ADIPOR2: variants seen among roughly 807,000 people sequenced by gnomAD.
ADIPOR2 encodes the protein adiponectin receptor 2, also known as adiponectin receptor protein 2.
In ADIPOR2, 18 loss-of-function variants were observed where a neutral mutation model predicts 40.9. That is an observed-to-expected ratio of 0.44 (90% CI 0.30 to 0.65). The LOEUF is 0.65. Ranked by LOEUF, ADIPOR2 falls within the 30% of genes least tolerant of loss-of-function variation. ADIPOR2 has a pLI of 0.09. For missense variants in ADIPOR2, 283 were observed against 479.2 expected (o/e 0.59, Z 3.82); for synonymous variants, 165 against 166.4 (o/e 0.99, Z 0.06).
At chr12:1,694,621 A>G (rs1454289773) in intron 1 of ADIPOR2, among the ~76,000 whole-genome samples, 3 of 152,220 alleles carry the variant, frequency 2.0e-5, no homozygotes, top group Non-Finnish European at 4.4e-5. Flanking sequence ...CCACAGACAT[A>G]AGAGCCCATG....
intron 1 of ADIPOR2, among the ~76,000 whole-genome samples, chr12:1,730,459 T>C (rs1484832373): frequency 6.6e-6 from 1 of 150,488 alleles, no homozygotes; most frequent in Non-Finnish European, 1.5e-5. Context: ...CTACTAAAAA[T>C]ACAAAAAATT....
chr12:1,778,202 A>G (rs1419910543), intron 4 of ADIPOR2, 177 bp downstream of exon 4: 1 of 667,842 alleles, frequency 1.5e-6, no homozygotes, highest in Non-Finnish European at 2.3e-6. Flanking sequence ...GGTTTGCACT[A>G]TGATTTTGTT....
chr12:1,750,140 T>G (rs552030682), intron 1 of ADIPOR2, among the ~76,000 whole-genome samples: 1 of 152,274 alleles, frequency 6.6e-6, no homozygotes, highest in African/African-American at 2.4e-5. Context: ...TTTGGAATTT[T>G]TAGCATATAG....
intron 1 of ADIPOR2, among the ~76,000 whole-genome samples, chr12:1,716,611 CTT>C (rs562700707): frequency 7.7e-4 from 117 of 152,234 alleles, no homozygotes; most frequent in African/African-American, 2.7e-3. Flanking sequence ...TGCTTTGAAA[CTT>C]TTTTCTTCAC....
chr12:1,720,210 G>A (rs974011187), intron 1 of ADIPOR2, among the ~76,000 whole-genome samples: 1 of 152,174 alleles, frequency 6.6e-6, no homozygotes, highest in African/African-American at 2.4e-5. Flanking sequence ...TATTTTTGAT[G>A]TGTGAATAGT....
chr12:1,763,876 G>A (rs1862321098), intron 2 of ADIPOR2, among the ~76,000 whole-genome samples: 1 of 152,206 alleles, frequency 6.6e-6, no homozygotes, highest in African/African-American at 2.4e-5. Flanking sequence ...CTACTTGGGA[G>A]GCTGAGATGG....
At chr12:1,749,919 C>T (rs951937228) in intron 1 of ADIPOR2, among the ~76,000 whole-genome samples, 41 of 150,306 alleles carry the variant, frequency 2.7e-4, no homozygotes, top group Non-Finnish European at 1.6e-4. Context: ...TCACTGCAGC[C>T]TCAAACTCCT....
At chr12:1,729,022 T>C (rs1031851658) in intron 1 of ADIPOR2, among the ~76,000 whole-genome samples, 3 of 149,832 alleles carry the variant, frequency 2.0e-5, no homozygotes, top group African/African-American at 7.3e-5. Flanking sequence ...GAACAGTTCA[T>C]TGTTAATACT....
At position 1,745,107 on chromosome 12, in the gene ADIPOR2, G is replaced by C. The variant is rs567024950; in HGVS notation, c.-86-9151G>C. ...CTGCCCATTTGAGAGGAATGAGCAG[G>C]AACCTTGTGGTGGTGAAAGTCAACA... is the stretch of plus-strand genomic sequence containing the variant. On this transcript the variant is annotated intron_variant, in intron 1 of 7. Transcript: ENST00000357103. 1.8e-4 allele frequency among the ~76,000 whole-genome samples: 27 copies of C among 152,296 alleles called. No individual in the cohort carries two copies. In the South Asian group the frequency reaches 5.4e-3, roughly 30 times the overall value.
intron 1 of ADIPOR2, among the ~76,000 whole-genome samples, chr12:1,741,106 G>A (rs1025912522): frequency 6.6e-6 from 1 of 152,094 alleles, no homozygotes; most frequent in African/African-American, 2.4e-5. Context: ...GAGGTTGGTG[G>A]GGCAAAATCA....
At chr12:1,744,491 A>G (rs2094750682) in intron 1 of ADIPOR2, among the ~76,000 whole-genome samples, 1 of 152,018 alleles carries the variant, frequency 6.6e-6, no homozygotes, top group Admixed American at 6.6e-5. Context: ...GCGTACCGCC[A>G]TGACCGGCTA....
chr12:1,752,674 G>A (rs1428897191), intron 1 of ADIPOR2, among the ~76,000 whole-genome samples: 1 of 152,104 alleles, frequency 6.6e-6, no homozygotes, highest in Admixed American at 6.6e-5. Flanking sequence ...CAAAATGGAG[G>A]ATAATAATAC....
intron 2 of ADIPOR2, among the ~76,000 whole-genome samples, chr12:1,760,487 C>G (rs553087599): frequency 1.3e-5 from 2 of 152,330 alleles, no homozygotes; most frequent in African/African-American, 4.8e-5. Flanking sequence ...CTTCCCATCT[C>G]TACCCCCAAC....
At chr12:1,740,502 C>A (rs12301668) in intron 1 of ADIPOR2, among the ~76,000 whole-genome samples, 2 of 151,724 alleles carry the variant, frequency 1.3e-5, no homozygotes, top group Admixed American at 1.3e-4. Flanking sequence ...TAGGCCCCCC[C>A]ACCTTGTAAC....
chr12:1,693,600 C>G (rs2094631976), intron 1 of ADIPOR2, among the ~76,000 whole-genome samples: 2 of 151,098 alleles, frequency 1.3e-5, no homozygotes, highest in South Asian at 4.2e-4. Flanking sequence ...ATGGCACGAT[C>G]TTGGCTCACT....
rs1565642963 is a variant in ADIPOR2 at position 1,736,202 on chromosome 12, C to G, written c.-86-18056C>G. Among the ~76,000 whole-genome samples, 43 of 152,074 alleles carry G rather than the reference C, an allele frequency of 2.8e-4. 1 individual carries two copies. On this transcript the variant is annotated intron_variant, in intron 1 of 7. Coordinates refer to ENST00000357103, the MANE Select transcript of ADIPOR2 (RefSeq NM_024551.3). ...TCCTCCTTGTACCTCTGGTAGAATT[C>G]GGCTGTGAATCCATCTGGTCCTGGA...
intron 1 of ADIPOR2, among the ~76,000 whole-genome samples, chr12:1,732,070 T>G (rs2094721678): frequency 6.6e-6 from 1 of 152,116 alleles, no homozygotes; most frequent in African/African-American, 2.4e-5. Flanking sequence ...AAAACTAGAG[T>G]TCCCATATAT....
intron 1 of ADIPOR2, among the ~76,000 whole-genome samples, chr12:1,747,280 A>G (rs1441751140): frequency 6.6e-6 from 1 of 152,190 alleles, no homozygotes; most frequent in Non-Finnish European, 1.5e-5. Flanking sequence ...ATCACAATGG[A>G]ATGAAAGTGG....
intron 1 of ADIPOR2, among the ~76,000 whole-genome samples, chr12:1,744,145 C>T (rs1036361911): frequency 2.8e-4 from 42 of 149,050 alleles, no homozygotes; most frequent in Non-Finnish European, 5.3e-4. Flanking sequence ...CTTGCTGTGT[C>T]GCCCAGGCTG....
Sources: allele counts gnomAD v4.1 joint callset (sites outside exome capture counted in the v4.1 genomes callset), GRCh38; gene constraint gnomAD v4.1.1; transcripts MANE v1.5; gene names NCBI Gene and HGNC (gene_info 2026-07-23, HGNC 2026-07-21).